The following TEP1 variants were observed in gnomAD, a reference collection of about 807,000 sequenced individuals.
TEP1 encodes the protein telomerase protein component 1.
Under a neutral mutation model 306.3 loss-of-function variants are expected in TEP1, and 241 were observed. The ratio of observed to expected loss-of-function variants is 0.79; its 90% CI spans 0.71 to 0.88. TEP1 has a LOEUF of 0.88. Ranked by LOEUF, TEP1 falls within the 40% of genes least tolerant of loss-of-function variation. The pLI, the probability that TEP1 is intolerant of heterozygous loss-of-function variation, is 0.00. For synonymous variants in TEP1, 1,289 were observed against 1,305.5 expected (o/e 0.99, Z 0.27); for missense variants, 3,051 against 3,276.1 (o/e 0.93, Z 1.68).
At chr14:20,387,872 C>G (rs1437203923) in intron 18 of TEP1, 33 bp downstream of exon 18, 12 of 1,558,360 alleles carry the variant, frequency 7.7e-6, no homozygotes, top group Middle Eastern at 1.7e-4. Context: ...GCAGCCCCTC[C>G]CAATTCACAA....
chr14:20,395,933 C>G lies in TEP1; in HGVS notation c.1676G>C (p.Ser559Thr). 2 of 1,614,098 alleles carry G rather than the reference C, an allele frequency of 1.2e-6. No homozygotes were observed. Among genetic ancestry groups the G allele is most frequent in the Non-Finnish European group, 1.7e-6 (2 of 1,180,000 alleles). ...RLQHAKSVIH[S>T]RQFPFRFLNA... Reference sequence around the variant, plus strand: ...AAGAAATCTGAATGGAAACTGCCGACTGTGGATCACCGACTTCTAGAAAGC... The same window carrying G: ...AAGAAATCTGAATGGAAACTGCCGAGTGTGGATCACCGACTTCTAGAAAGC... Residue 559 changes from serine to threonine, a missense_variant, in exon 11 of 55, where the codon AGT (serine) becomes ACT (threonine). By Grantham distance (58) the Ser-to-Thr change is moderately conservative. Transcript: ENST00000262715.
chr14:20,390,105 C>T (rs925045997), intron 15 of TEP1, among the ~76,000 whole-genome samples: 5 of 152,040 alleles, frequency 3.3e-5, no homozygotes, highest in African/African-American at 7.3e-5. Flanking sequence ...TGACACACAC[C>T]AGTACTCCCA....
chr14:20,374,589 T>A (rs1427311408), intron 43 of TEP1, 53 bp from the exon 44 acceptor site: 1 of 1,386,334 alleles, frequency 7.2e-7, no homozygotes. Flanking sequence ...TCCAGCATTT[T>A]GGTATATCTG....
rs141318575 is a variant in TEP1, at chr14:20,381,385, T to G, written c.4575A>C (p.Thr1525=). ...HILIAAQLWK[T]CDADASGTFR... The stretch of plus-strand genomic sequence containing the variant: ...AGGTGCCTGAGGCATCAGCGTCACA[T>G]GTCTTCCAGAGCTGAGCTGCATGAA... The change falls in exon 32 of 55, where the codon ACA becomes ACC. Residue 1525 remains threonine (T), a synonymous_variant. Coordinates refer to ENST00000262715, the MANE Select transcript of TEP1 (RefSeq NM_007110.5). The surrounding 1 kb of genome is among the most constrained non-coding windows in gnomAD (Gnocchi z 4.0). 6.2e-7 allele frequency: 1 copy of G among 1,614,122 alleles called. No homozygotes were observed. Among genetic ancestry groups the G allele is most frequent in the African/African-American group, 1.3e-5 (1 of 75,060 alleles).
At position 20,384,061 on chromosome 14, in the gene TEP1, C is replaced by T; in HGVS notation, c.3511G>A (p.Gly1171Arg). Residue 1171 changes from glycine (G) to arginine (R), a missense_variant, in exon 24 of 55, where the codon GGA becomes AGA. Coordinates refer to ENST00000262715, the MANE Select transcript of TEP1 (RefSeq NM_007110.5). ...ACCAGGAAGGCTGTCTTGCCCTGTC[C>T]TGACTGCCCCGTCACCAGGCTCAGC... ...GRLSLVTGQS[G>R]QGKTAFLASL... 6.2e-7 allele frequency: 1 copy of T among 1,611,512 alleles called. No individual in the cohort carries two copies.
rs1047345603 is a variant in TEP1 at position 20,377,616 on chromosome 14, G to A, written c.5859C>T (p.Ile1953=). 1.2e-6 allele frequency: 2 copies of A among 1,614,002 alleles called. No individual in the cohort carries two copies. The highest frequency in any genetic ancestry group is 2.7e-5 in the African/African-American group (2 of 74,910). ...AVGYRADGIR[I]YKISSGSQGA... is the part of the protein sequence containing the mutation. Reference sequence around the variant, plus strand: ...TTTCAGTACCTGAAGAGATTTTGTAGATCCTAATGCCATCCGCTCGATATC... The same window carrying A: ...TTTCAGTACCTGAAGAGATTTTGTAAATCCTAATGCCATCCGCTCGATATC... The change falls in exon 40 of 55, where the codon ATC becomes ATT. Residue 1953 remains isoleucine (I), a synonymous_variant. Transcript: ENST00000262715.
intron 35 of TEP1, 23 bp from the exon 36 acceptor site, chr14:20,379,128 G>A (rs372403985): frequency 9.3e-6 from 15 of 1,611,924 alleles, no homozygotes; most frequent in Middle Eastern, 1.7e-4. Flanking sequence ...GTGAGGGAGC[G>A]CAGCTCAGGC....
chr14:20,410,814 T>G (rs1879623250), intron 1 of TEP1, among the ~76,000 whole-genome samples: 1 of 140,550 alleles, frequency 7.1e-6, no homozygotes, highest in Non-Finnish European at 1.5e-5. Flanking sequence ...TTTTTTTTTT[T>G]TTTTTTTTTT....
intron 2 of TEP1, among the ~76,000 whole-genome samples, chr14:20,406,733 A>G (rs1380875423): frequency 6.6e-6 from 1 of 152,232 alleles, no homozygotes; most frequent in Non-Finnish European, 1.5e-5. Flanking sequence ...GGTCAGAAGA[A>G]AAAGGGCAAA....
rs1219838276 is a variant in TEP1, at chr14:20,368,517, G to T, written c.7804C>A (p.Pro2602Thr). The change falls in exon 55 of 55, where the codon CCT (proline) becomes ACT (threonine). Residue 2602 changes from proline to threonine, a missense_variant. Coordinates refer to ENST00000262715, the MANE Select transcript of TEP1 (RefSeq NM_007110.5). ...AGGGTGGAGTTAGCGCCCAGCCAAG[G>T]TTCCAGGCAGCTCACTGACCCTTCG... ...RCEGSVSCLE[P>T]WLGANSTLQL... 1 of 1,614,108 alleles carries T rather than the reference G, an allele frequency of 6.2e-7. No homozygotes were observed. The highest frequency in any genetic ancestry group is 8.5e-7 in the Non-Finnish European group (1 of 1,180,036).
chr14:20,401,060 C>T lies in TEP1; in HGVS notation c.1473G>A (p.Lys491=), dbSNP rs761966382. 5.6e-6 allele frequency: 9 copies of T among 1,614,124 alleles called. No homozygotes were observed. Among genetic ancestry groups the T allele is most frequent in the African/African-American group, 2.7e-5 (2 of 74,950 alleles). The stretch of plus-strand genomic sequence containing the variant: ...GCTCCCAGGTCTCTGGCCTAGACAG[C>T]TTCATCCTCTTCCCAGCTCTGCTAG... The part of the protein sequence containing the change: ...WDSSRAGKRM[K]LSRPETWERE... The change falls in exon 9 of 55, where the codon AAG becomes AAA. Residue 491 remains lysine, a synonymous_variant. Coordinates refer to ENST00000262715, the MANE Select transcript of TEP1 (RefSeq NM_007110.5).
At position 20,400,702 on chromosome 14, in the gene TEP1, G is replaced by A. The variant is rs566995895; in HGVS notation, c.1549+282C>T. The A allele has an allele frequency of 3.0e-3, 1,066 of 350,460 alleles. 5 individuals carry two copies. The highest frequency in any genetic ancestry group is 3.6e-3 in the Non-Finnish European group (668 of 187,880). The allele number at this position is 350,460 out of a possible 1,614,324, so 21.7% of individuals were successfully genotyped here. On this transcript the variant is annotated intron_variant, in intron 9 of 54. Coordinates refer to ENST00000262715, the MANE Select transcript of TEP1 (RefSeq NM_007110.5). The stretch of plus-strand genomic sequence containing the variant: ...TTTTGGAATGAGTTACAGAGATATC[G>A]ATATGAGTACAATGAGAGAGAAGGT...
chr14:20,400,497 CAAA>C (rs71108598), intron 9 of TEP1, among the ~76,000 whole-genome samples: 87 of 85,484 alleles, frequency 1.0e-3, no homozygotes, highest in Admixed American at 3.8e-3. Flanking sequence ...AAAAGTAGAC[CAAA>C]AAAAAAAAAA....
chr14:20,393,920 CTACAAAAAA>C (rs1383769284), intron 12 of TEP1, among the ~76,000 whole-genome samples: 1 of 151,986 alleles, frequency 6.6e-6, no homozygotes, highest in African/African-American at 2.4e-5. Context: ...AACCCTAACT[CTACAAAAAA>C]TACAAAAAAT....
At chr14:20,383,413 G>A (rs1876774748) in intron 26 of TEP1, 60 bp from the exon 27 acceptor site, 2 of 1,606,940 alleles carry the variant, frequency 1.2e-6, no homozygotes, top group African/African-American at 2.7e-5. Flanking sequence ...ACATTGGAGA[G>A]GCCTCTCTCC....
At position 20,390,930 on chromosome 14, in the gene TEP1, T is replaced by C. The variant is rs771945224; in HGVS notation, c.2256+8A>G. On this transcript the variant is annotated splice_region_variant and intron_variant, in intron 14 of 54. Transcript: ENST00000262715. Reference sequence around the variant, plus strand: ...GTATTTTTGGATGGTGGGTGTTGAGTGTCTGACCTGGACTTGAGCCTGGAG... The same window carrying C: ...GTATTTTTGGATGGTGGGTGTTGAGCGTCTGACCTGGACTTGAGCCTGGAG... 1.2e-6 allele frequency: 2 copies of C among 1,614,048 alleles called. No homozygotes were observed. Among genetic ancestry groups the C allele is most frequent in the Non-Finnish European group, 1.7e-6 (2 of 1,179,952 alleles).
Position 20,379,048 on chromosome 14 carries a change from C to A in TEP1, c.5185G>T (p.Asp1729Tyr). 1 of 1,614,144 alleles carries A rather than the reference C, an allele frequency of 6.2e-7. No individual in the cohort carries two copies. The highest frequency in any genetic ancestry group is 8.5e-7 in the Non-Finnish European group (1 of 1,180,032). The change falls in exon 36 of 55, where the codon GAT becomes TAT. Residue 1729 changes from aspartate to tyrosine, a missense_variant. This residue lies in a region of TEP1 where 1,540 missense variants were observed against 1,705.9 expected (regional missense o/e 0.90). Transcript: ENST00000262715. ...AAGGCAGTAAGAAAGAGTGTATCAT[C>A]GGAGAGGAACAAACAAGCAGAGATT... ...DGISACLFLS[D>Y]DTLFLTAFDG... is the part of the protein sequence containing the mutation.
In TEP1 at chr14:20,408,458, A is replaced by G; in HGVS notation, c.-19T>C. 1.2e-6 allele frequency: 2 copies of G among 1,603,902 alleles called. No individual in the cohort carries two copies. Among genetic ancestry groups the G allele is most frequent in the Non-Finnish European group, 8.5e-7 (1 of 1,176,908 alleles). On this transcript the variant is annotated 5_prime_UTR_variant, in exon 2 of 55. Coordinates refer to ENST00000262715, the MANE Select transcript of TEP1 (RefSeq NM_007110.5). ...TTTCCATGGCTGAAACTCAGCTTGT[A>G]TATGCCTAGAAGGAGAGAAAGACAG...
chr14:20,387,111 T>G (rs961820263), intron 18 of TEP1, among the ~76,000 whole-genome samples: 3 of 151,370 alleles, frequency 2.0e-5, no homozygotes, highest in Non-Finnish European at 3.0e-5. Flanking sequence ...ATTTTGTATT[T>G]TTAGTAGAGA....
Sources: allele counts gnomAD v4.1 joint callset (sites outside exome capture counted in the v4.1 genomes callset), GRCh38; gene constraint gnomAD v4.1.1; regional missense constraint gnomAD v4.1.1; non-coding constraint Gnocchi (gnomAD v3.1); transcripts MANE v1.5; gene names NCBI Gene and HGNC (gene_info 2026-07-23, HGNC 2026-07-21).